Variants in CDIN1 observed in about 807,000 individuals in gnomAD.
CDIN1 encodes the protein CDAN1-interacting nuclease 1.
In CDIN1, 33 loss-of-function variants were observed where a neutral mutation model predicts 45.3. The observed-to-expected ratio is 0.73, with a 90% CI of 0.55 to 0.97. The LOEUF (loss-of-function observed/expected upper bound fraction) is 0.97. Among genes scored for constraint, CDIN1 ranks in the 50% least tolerant of loss-of-function variants. CDIN1 has a pLI of 0.00. For missense variants in CDIN1, 303 were observed against 339.4 expected (o/e 0.89, Z 0.84); for synonymous variants, 118 against 124.4 (o/e 0.95, Z 0.34).
At chr15:36,723,387 G>A (rs950178044) in intron 10 of CDIN1, among the ~76,000 whole-genome samples, 4 of 151,922 alleles carry the variant, frequency 2.6e-5, no homozygotes, top group African/African-American at 4.8e-5. Context: ...ACCAGCTGCA[G>A]TATTTTAAGA....
At chr15:36,706,507 A>AAGGCTG (rs2042870192) in intron 8 of CDIN1, 1 of 151,724 alleles carries the variant, frequency 6.6e-6, no homozygotes, top group African/African-American at 2.4e-5. Context: ...CAGCTACTTG[A>AAGGCTG]AAGGCTGAGG....
intron 10 of CDIN1, among the ~76,000 whole-genome samples, chr15:36,724,693 G>A (rs1941584517): frequency 6.6e-6 from 1 of 152,128 alleles, no homozygotes; most frequent in African/African-American, 2.4e-5. Context: ...AGACACTTGT[G>A]ACATGACATC....
At position 36,809,241 on chromosome 15, in the gene CDIN1, CA is replaced by C. The variant is rs2055327974; in HGVS notation, c.*789del. ...TGGGGGCCGAGAGGCGACAACCCAA[CA>C]TTGAGGAGAGTTTATTTTTAAACAT... On this transcript the variant is annotated 3_prime_UTR_variant, in exon 11 of 11. Coordinates refer to ENST00000566621, the MANE Select transcript of CDIN1 (RefSeq NM_001321759.2). 1 of 252,496 alleles carries C rather than the reference CA, an allele frequency of 4.0e-6. No individual in the cohort carries two copies. Among genetic ancestry groups the C allele is most frequent in the African/African-American group, 2.3e-5 (1 of 44,026 alleles). 15.6% of individuals were successfully genotyped at this position (252,496 alleles called of 1,614,324 possible). A position where few individuals can be genotyped will look rare whatever the true frequency, so the allele number is the denominator to read the frequency against.
chr15:36,631,644 C>A (rs1038437055), intron 1 of CDIN1, among the ~76,000 whole-genome samples: 14 of 152,198 alleles, frequency 9.2e-5, no homozygotes, highest in African/African-American at 2.9e-4. Flanking sequence ...TTTTATTGAT[C>A]CATTCATCAG....
Position 36,651,501 on chromosome 15 carries a change from G to A in CDIN1, c.213-2597G>A, listed in dbSNP as rs552731916. Among the ~76,000 whole-genome samples the A allele has an allele frequency of 8.5e-5, 13 of 152,136 alleles. No individual in the cohort carries two copies. The South Asian group carries it at 2.5e-3, about 29-fold the overall frequency. ...GCCTGATCTGTCACTTTGATGTGGG[G>A]GATAATTAAAGTTTCCAGAAAAGAC... On this transcript the variant is annotated intron_variant, in intron 3 of 10. Transcript: ENST00000566621.
intron 6 of CDIN1, 110 bp from the exon 7 acceptor site, chr15:36,692,016 T>TTTTGTG: frequency 1.9e-6 from 1 of 521,032 alleles, no homozygotes; most frequent in Non-Finnish European, 2.4e-6. Flanking sequence ...TTTCTTTTTT[T>TTTTGTG]GGGGGGCGGG....
chr15:36,681,612 G>T (rs1271047146), intron 5 of CDIN1, among the ~76,000 whole-genome samples: 1 of 152,104 alleles, frequency 6.6e-6, no homozygotes, highest in Non-Finnish European at 1.5e-5. Context: ...ACACAGTGAT[G>T]AAACCATTGA....
chr15:36,708,733 C>G (rs1191452277), intron 8 of CDIN1: 1 of 152,126 alleles, frequency 6.6e-6, no homozygotes, highest in Non-Finnish European at 1.5e-5. Flanking sequence ...TCTCATTGTC[C>G]TTGTCTCTTT....
At chr15:36,613,631 C>T (rs1227567080) in intron 1 of CDIN1, 23 of 1,442,326 alleles carry the variant, frequency 1.6e-5, no homozygotes, top group East Asian at 9.1e-5. Flanking sequence ...CTCCTTGAAC[C>T]GTAGGATCAA....
At chr15:36,624,295 A>G (rs979144149) in intron 1 of CDIN1, among the ~76,000 whole-genome samples, 1 of 152,216 alleles carries the variant, frequency 6.6e-6, no homozygotes, top group Non-Finnish European at 1.5e-5. Context: ...GAATAACATT[A>G]AGTGCTGAGA....
At chr15:36,675,413 C>G (rs189690334) in intron 5 of CDIN1, among the ~76,000 whole-genome samples, 19 of 152,228 alleles carry the variant, frequency 1.2e-4, no homozygotes, top group African/African-American at 3.8e-4. Flanking sequence ...TAGCACTCCT[C>G]TGTCATTTGG....
chr15:36,634,380 C>T (rs1331405735), intron 1 of CDIN1, among the ~76,000 whole-genome samples: 1 of 152,126 alleles, frequency 6.6e-6, no homozygotes, highest in Admixed American at 6.5e-5. Flanking sequence ...GCCTTGATCG[C>T]GCCACTGCAC....
At chr15:36,670,215 C>CT (rs2041398854) in intron 5 of CDIN1, among the ~76,000 whole-genome samples, 1 of 151,956 alleles carries the variant, frequency 6.6e-6, no homozygotes, top group South Asian at 2.1e-4. Context: ...TTAATTTTTT[C>CT]TTTTAATTCC....
Position 36,717,705 on chromosome 15 carries a change from G to A in CDIN1, c.716+7744G>A, listed in dbSNP as rs146197831. Among the ~76,000 whole-genome samples, 188 of 152,172 alleles carry A rather than the reference G, an allele frequency of 1.2e-3. 2 individuals carry two copies. The highest frequency in any genetic ancestry group is 4.2e-3 in the African/African-American group (174 of 41,526). On this transcript the variant is annotated intron_variant, in intron 10 of 10. Transcript: ENST00000566621. ...ATCATTTCATACCTGGGAATGAAAT[G>A]ATTGGAACATAGGGTGGGAATATTT... is the stretch of plus-strand genomic sequence containing the variant.
intron 1 of CDIN1, among the ~76,000 whole-genome samples, chr15:36,638,539 C>T (rs1449874510): frequency 3.3e-5 from 5 of 152,176 alleles, no homozygotes; most frequent in African/African-American, 9.7e-5. Flanking sequence ...GATAGAGACA[C>T]TTCAGGCAAT....
intron 5 of CDIN1, among the ~76,000 whole-genome samples, chr15:36,686,649 G>A (rs1162681922): frequency 6.6e-6 from 1 of 151,338 alleles, no homozygotes; most frequent in African/African-American, 2.4e-5. Context: ...GGAGGCCGAG[G>A]CAGGTGAATC....
At chr15:36,805,325 G>C (rs943829825) in intron 10 of CDIN1, among the ~76,000 whole-genome samples, 2 of 152,080 alleles carry the variant, frequency 1.3e-5, no homozygotes, top group East Asian at 3.9e-4. Context: ...CTCCCAGCTG[G>C]CAGGGAGGGC....
Position 36,757,297 on chromosome 15 carries a change from A to G in CDIN1, c.716+47336A>G, listed in dbSNP as rs570324131. Among the ~76,000 whole-genome samples the G allele has an allele frequency of 2.6e-5, 4 of 152,288 alleles. No homozygotes were observed. In the South Asian group the frequency reaches 8.3e-4, roughly 32 times the overall value. On this transcript the variant is annotated intron_variant, in intron 10 of 10. Transcript: ENST00000566621. ...CAGTTGCTAGCCTGTTGAAGATTAA[A>G]CAAAAATCCAGCCATGTAATATGGT...
intron 1 of CDIN1, 94 bp downstream of exon 1, chr15:36,580,055 G>T: frequency 9.4e-7 from 1 of 1,062,784 alleles, no homozygotes; most frequent in South Asian, 1.5e-5. Flanking sequence ...TGTCACACAT[G>T]AGTGGGGAGG....
Sources: gnomAD v4.1 joint callset for allele counts (sites outside exome capture counted in the v4.1 genomes callset) on GRCh38, gnomAD v4.1.1 for gene constraint, MANE v1.5 for transcripts, NCBI Gene and HGNC (gene_info 2026-07-23, HGNC 2026-07-21) for gene names.